The following ASIC2 variants were observed in gnomAD, a reference collection of about 807,000 sequenced individuals.
The protein encoded by ASIC2 is acid sensing ion channel subunit 2.
Under a neutral mutation model 57.3 loss-of-function variants are expected in ASIC2, and 25 were observed. The observed-to-expected ratio is 0.44, with a 90% CI of 0.32 to 0.61. The LOEUF (loss-of-function observed/expected upper bound fraction) is 0.61, where lower values mean the gene tolerates loss of function less well. Among genes scored for constraint, ASIC2 ranks in the 20% least tolerant of loss-of-function variants. The probability of loss-of-function intolerance (pLI) is 0.06; values close to 1 mark genes in which losing one functional copy is unlikely to be tolerated. For missense variants in ASIC2, 641 were observed against 738.1 expected (o/e 0.87, Z 1.52); for synonymous variants, 319 against 307.5 (o/e 1.04, Z -0.39).
chr17:33,605,788 C>T (rs1258828262), intron 1 of ASIC2, among the ~76,000 whole-genome samples: 1 of 152,206 alleles, frequency 6.6e-6, no homozygotes, highest in Non-Finnish European at 1.5e-5. Flanking sequence ...TGCCTCCGGC[C>T]CCCAGCCTCA....
At chr17:33,065,056 G>A (rs956106862) in intron 3 of ASIC2, among the ~76,000 whole-genome samples, 1 of 152,012 alleles carries the variant, frequency 6.6e-6, no homozygotes, top group Non-Finnish European at 1.5e-5. Flanking sequence ...TTATTGTCAG[G>A]TTCCCCAGCT....
At chr17:33,415,458 G>T (rs1250532679) in intron 1 of ASIC2, among the ~76,000 whole-genome samples, 1 of 151,946 alleles carries the variant, frequency 6.6e-6, no homozygotes, top group East Asian at 1.9e-4. Context: ...TTAATCTGAG[G>T]TTAGTTAATT....
chr17:34,090,570 A>C (rs919026414), intron 1 of ASIC2, among the ~76,000 whole-genome samples: 1 of 152,186 alleles, frequency 6.6e-6, no homozygotes. Flanking sequence ...CTACCTTCAC[A>C]GGTCTGTCTA....
At chr17:33,805,939 C>A (rs918916928) in intron 1 of ASIC2, among the ~76,000 whole-genome samples, 4 of 152,210 alleles carry the variant, frequency 2.6e-5, no homozygotes, top group African/African-American at 9.6e-5. Flanking sequence ...CATATACACA[C>A]ACTTGCACAC....
At chr17:33,662,487 G>GA (rs1555550470) in intron 1 of ASIC2, among the ~76,000 whole-genome samples, 2 of 57,842 alleles carry the variant, frequency 3.5e-5, no homozygotes, top group African/African-American at 2.5e-4. Flanking sequence ...CAGGTGTGGT[G>GA]GGGGGGGCAC....
chr17:33,502,737 G>A (rs900725828), intron 1 of ASIC2, among the ~76,000 whole-genome samples: 2 of 152,094 alleles, frequency 1.3e-5, no homozygotes, highest in South Asian at 2.1e-4. Flanking sequence ...CCCAGTGTCC[G>A]CATCCTTAAA....
intron 1 of ASIC2, among the ~76,000 whole-genome samples, chr17:33,412,134 T>C (rs1213935129): frequency 6.6e-6 from 1 of 152,222 alleles, no homozygotes; most frequent in East Asian, 1.9e-4. Context: ...ATTTGTTCAA[T>C]CTGAGCCTTC....
intron 1 of ASIC2, among the ~76,000 whole-genome samples, chr17:33,813,543 TCTCCTGCCTCAGC>T (rs1912487978): frequency 6.6e-6 from 1 of 152,128 alleles, no homozygotes; most frequent in Admixed American, 6.5e-5. Flanking sequence ...TTCACGCCAT[TCTCCTGCCTCAGC>T]CTCCTGAGTA....
chr17:33,764,934 C>T (rs1003705079), intron 1 of ASIC2, among the ~76,000 whole-genome samples: 1 of 152,132 alleles, frequency 6.6e-6, no homozygotes, highest in African/African-American at 2.4e-5. Context: ...CATGGACCAT[C>T]AGCCTGGGCG....
At chr17:33,215,625 A>G (rs1197037568) in intron 1 of ASIC2, among the ~76,000 whole-genome samples, 3 of 152,162 alleles carry the variant, frequency 2.0e-5, no homozygotes, top group Non-Finnish European at 4.4e-5. Flanking sequence ...AAACCAGTAT[A>G]TTAGTGGTTA....
chr17:33,554,882 C>G (rs919549169), intron 1 of ASIC2, among the ~76,000 whole-genome samples: 3 of 152,018 alleles, frequency 2.0e-5, no homozygotes, highest in African/African-American at 7.3e-5. Flanking sequence ...GAAATGAACT[C>G]CCAGCCACAC....
chr17:33,424,219 T>C (rs1367262542), intron 1 of ASIC2, among the ~76,000 whole-genome samples: 1 of 152,176 alleles, frequency 6.6e-6, no homozygotes, highest in Non-Finnish European at 1.5e-5. Context: ...GGGTTATACG[T>C]TTCCCCATTT....
rs3032192 is a variant in ASIC2 at position 33,639,761 on chromosome 17, G to GA, written c.555+516216dup. Among the ~76,000 whole-genome samples the GA allele has an allele frequency of 3.0e-3, 370 of 125,090 alleles. 11 individuals carry two copies. The highest frequency in any genetic ancestry group is 0.023 in the East Asian group (102 of 4,420). 82.1% of individuals were successfully genotyped at this position (125,090 alleles called of 152,430 possible). A position where few individuals can be genotyped will look rare whatever the true frequency, so the allele number is the denominator to read the frequency against. On this transcript the variant is annotated intron_variant, in intron 1 of 9. Coordinates refer to the ASIC2 transcript ENST00000359872. ...AGGGTGGGCAGAAAGCTCAGGTTAA[G>GA]AAAAAAAAAAAAAAAAAGCGGAACA...
intron 1 of ASIC2, among the ~76,000 whole-genome samples, chr17:33,308,380 T>C (rs1906269646): frequency 6.6e-6 from 1 of 152,188 alleles, no homozygotes; most frequent in African/African-American, 2.4e-5. Context: ...TCATCCTGCT[T>C]CCAAGACTTT....
At chr17:33,610,886 C>A (rs148520361) in intron 1 of ASIC2, among the ~76,000 whole-genome samples, 1 of 152,246 alleles carries the variant, frequency 6.6e-6, no homozygotes, top group Non-Finnish European at 1.5e-5. Context: ...CAGAGCAAGA[C>A]CCTGTCTCAC....
At chr17:33,074,919 G>C (rs1279399807) in intron 3 of ASIC2, among the ~76,000 whole-genome samples, 1 of 152,098 alleles carries the variant, frequency 6.6e-6, no homozygotes, top group Non-Finnish European at 1.5e-5. Context: ...AACTATGATG[G>C]CATGCAAAGA....
intron 1 of ASIC2, among the ~76,000 whole-genome samples, chr17:33,579,100 C>T (rs1916762572): frequency 6.7e-6 from 1 of 148,350 alleles, no homozygotes; most frequent in Non-Finnish European, 1.5e-5. Context: ...GTCTGGCCAA[C>T]ATGGTGAAAC....
At position 34,140,728 on chromosome 17, in the gene ASIC2, GA is replaced by G. The variant is rs530362540; in HGVS notation, c.555+15249del. Among the ~76,000 whole-genome samples the G allele has an allele frequency of 3.3e-3, 500 of 152,166 alleles. 1 individual carries two copies. Among genetic ancestry groups the G allele is most frequent in the Non-Finnish European group, 5.3e-3 (363 of 67,994 alleles). On this transcript the variant is annotated intron_variant, in intron 1 of 9. Transcript: ENST00000359872. ...AGACTGTAACCTATTGAATAAAATAGAAATCTATGAGTCTACACCAATGTAA... is the reference window on the plus strand; with the variant it reads ...AGACTGTAACCTATTGAATAAAATAGAATCTATGAGTCTACACCAATGTAA...
chr17:33,330,016 T>C (rs2142224572), intron 1 of ASIC2, among the ~76,000 whole-genome samples: 1 of 152,314 alleles, frequency 6.6e-6, no homozygotes, highest in East Asian at 1.9e-4. Flanking sequence ...AAGGGTTGTG[T>C]TCTCATCATG....
Sources: gnomAD v4.1 joint callset for allele counts (sites outside exome capture counted in the v4.1 genomes callset) on GRCh38, gnomAD v4.1.1 for gene constraint, MANE v1.5 for transcripts, NCBI Gene and HGNC (gene_info 2026-07-23, HGNC 2026-07-21) for gene names.